Variants in AP2B1 observed in about 807,000 individuals in gnomAD.
AP2B1 encodes the protein AP-2 complex subunit beta.
Under a neutral mutation model 102.0 loss-of-function variants are expected in AP2B1, and 23 were observed. That is an observed-to-expected ratio of 0.23 (90% CI 0.16 to 0.32). The LOEUF is 0.32. AP2B1 is among the 10% of genes least tolerant of loss of function. The pLI is 1.00. For synonymous variants in AP2B1, 381 were observed against 421.2 expected (o/e 0.90, Z 1.17); for missense variants, 541 against 1,157.4 (o/e 0.47, Z 7.73).
chr17:35,704,836 G>T (rs2076308298), intron 18 of AP2B1, among the ~76,000 whole-genome samples: 1 of 152,114 alleles, frequency 6.6e-6, no homozygotes, highest in Non-Finnish European at 1.5e-5. Flanking sequence ...TTCGAGACCA[G>T]CCTGACCAAC....
rs1567929907 is a variant in AP2B1, at chr17:35,661,688, A to G, written c.1989+3897A>G. ...GGAGACCGAAAATTGAGGGCATTTT[A>G]TATTTTGGATTGTCTAACCATTTTC... On this transcript the variant is annotated intron_variant, in intron 14 of 21. Transcript: ENST00000610402. Among the ~76,000 whole-genome samples, 4 of 152,206 alleles carry G rather than the reference A, an allele frequency of 2.6e-5. 1 individual carries two copies. The highest frequency in any genetic ancestry group is 4.4e-5 in the Non-Finnish European group (3 of 68,028).
chr17:35,692,078 A>G (rs908322558), intron 18 of AP2B1, among the ~76,000 whole-genome samples: 2 of 152,188 alleles, frequency 1.3e-5, no homozygotes, highest in African/African-American at 2.4e-5. Context: ...CAGTATATCT[A>G]TTAATAATAA....
intron 18 of AP2B1, among the ~76,000 whole-genome samples, chr17:35,684,285 A>G (rs1324844286): frequency 6.6e-6 from 1 of 152,196 alleles, no homozygotes; most frequent in Non-Finnish European, 1.5e-5. Context: ...CTTAAGATAG[A>G]ACAGTCTGAA....
chr17:35,679,501 C>G (rs587704474), intron 17 of AP2B1, among the ~76,000 whole-genome samples: 6 of 152,048 alleles, frequency 3.9e-5, no homozygotes, highest in African/African-American at 1.4e-4. Flanking sequence ...GTCTCTAAGA[C>G]CTACTACTAC....
At chr17:35,591,244 G>A (rs757606738) in intron 1 of AP2B1, among the ~76,000 whole-genome samples, 1 of 151,708 alleles carries the variant, frequency 6.6e-6, no homozygotes, top group African/African-American at 2.4e-5. Flanking sequence ...CCAGCTACTC[G>A]GGAGGCTGAG....
chr17:35,719,405 C>T (rs1227661069), intron 21 of AP2B1, among the ~76,000 whole-genome samples: 1 of 151,900 alleles, frequency 6.6e-6, no homozygotes, highest in African/African-American at 2.4e-5. Flanking sequence ...GTCAGACTCT[C>T]ACCCCAGCCC....
intron 20 of AP2B1, among the ~76,000 whole-genome samples, chr17:35,711,934 G>C (rs1479468530): frequency 1.3e-5 from 2 of 152,106 alleles, no homozygotes; most frequent in Non-Finnish European, 2.9e-5. Flanking sequence ...AGACATTCAG[G>C]AGACTGAAGC....
chr17:35,705,885 G>A (rs587740557), intron 18 of AP2B1, among the ~76,000 whole-genome samples: 10 of 152,188 alleles, frequency 6.6e-5, no homozygotes, highest in Non-Finnish European at 1.2e-4. Flanking sequence ...GTACTTATGA[G>A]TCAAGGCTGT....
chr17:35,673,233 C>A (rs530670782), intron 16 of AP2B1, among the ~76,000 whole-genome samples: 1 of 151,938 alleles, frequency 6.6e-6, no homozygotes, highest in Non-Finnish European at 1.5e-5. Flanking sequence ...TTTTTTTAGA[C>A]GGAGTCTCAC....
chr17:35,656,110 A>C (rs1275626606), intron 13 of AP2B1, among the ~76,000 whole-genome samples: 1 of 152,140 alleles, frequency 6.6e-6, no homozygotes, highest in Non-Finnish European at 1.5e-5. Context: ...ATTTTAATGA[A>C]GTTCAGTTTA....
intron 1 of AP2B1, among the ~76,000 whole-genome samples, chr17:35,593,222 T>C (rs2073157432): frequency 6.6e-6 from 1 of 152,190 alleles, no homozygotes; most frequent in Non-Finnish European, 1.5e-5. Context: ...GAATAAGATC[T>C]AGTATTTGAT....
intron 5 of AP2B1, among the ~76,000 whole-genome samples, chr17:35,616,664 AC>A (rs1310421945): frequency 6.6e-6 from 1 of 152,180 alleles, no homozygotes. Flanking sequence ...CAGTTTCAAC[AC>A]TAATGTCCTT....
chr17:35,691,458 A>G (rs587675634), intron 18 of AP2B1, among the ~76,000 whole-genome samples: 1 of 152,334 alleles, frequency 6.6e-6, no homozygotes, highest in African/African-American at 2.4e-5. Context: ...CGCTCCCATC[A>G]AATGAAGCAA....
At chr17:35,629,145 G>A (rs1383377383) in intron 9 of AP2B1, among the ~76,000 whole-genome samples, 3 of 151,892 alleles carry the variant, frequency 2.0e-5, no homozygotes, top group South Asian at 2.1e-4. Context: ...GACGAGGTTC[G>A]CCATGTTGGC....
chr17:35,684,247 C>G (rs1884410337), intron 18 of AP2B1, among the ~76,000 whole-genome samples: 1 of 152,148 alleles, frequency 6.6e-6, no homozygotes, highest in South Asian at 2.1e-4. Context: ...AAGAGGAGGA[C>G]TGGTACTGTC....
intron 5 of AP2B1, among the ~76,000 whole-genome samples, chr17:35,614,895 C>G (rs909187809): frequency 1.3e-5 from 2 of 152,102 alleles, no homozygotes; most frequent in African/African-American, 2.4e-5. Flanking sequence ...GTAGACACAG[C>G]ATGGGATTAT....
intron 5 of AP2B1, among the ~76,000 whole-genome samples, chr17:35,621,756 C>G (rs1191683741): frequency 6.6e-6 from 1 of 152,180 alleles, no homozygotes; most frequent in African/African-American, 2.4e-5. Flanking sequence ...ATTGCTCATT[C>G]TGTTTAGCAT....
intron 1 of AP2B1, chr17:35,588,682 C>G (rs541937967): frequency 6.6e-6 from 1 of 152,286 alleles, no homozygotes; most frequent in African/African-American, 2.4e-5. Context: ...AGGTGCAGCT[C>G]TATAAGAAAA....
intron 21 of AP2B1, among the ~76,000 whole-genome samples, chr17:35,720,568 TA>T (rs1370370058): frequency 0.011 from 611 of 54,238 alleles, 2 homozygotes; most frequent in African/African-American, 0.02. Context: ...TATATATATA[TA>T]TATATTTTTT....
Sources: allele counts gnomAD v4.1 joint callset (sites outside exome capture counted in the v4.1 genomes callset), GRCh38; gene constraint gnomAD v4.1.1; transcripts MANE v1.5; gene names NCBI Gene and HGNC (gene_info 2026-07-23, HGNC 2026-07-21).